The following CLNK variants were observed in gnomAD, a reference collection of about 807,000 sequenced individuals.
The protein encoded by CLNK is cytokine dependent hematopoietic cell linker.
A neutral mutation model predicts 68.6 loss-of-function variants in CLNK; 74 were observed. The ratio of observed to expected loss-of-function variants is 1.08; its 90% CI spans 0.89 to 1.31. The LOEUF (loss-of-function observed/expected upper bound fraction) is 1.31. CLNK is among the 50% of genes most tolerant of loss of function. CLNK has a pLI of 0.00. For synonymous variants in CLNK, 198 were observed against 172.2 expected (o/e 1.15, Z -1.17); for missense variants, 553 against 515.3 (o/e 1.07, Z -0.71).
intron 2 of CLNK, among the ~76,000 whole-genome samples, chr4:10,650,989 A>G (rs901768179): frequency 6.6e-6 from 1 of 152,194 alleles, no homozygotes; most frequent in Non-Finnish European, 1.5e-5. Flanking sequence ...GCAAATCAAA[A>G]CCATAATGTG....
chr4:10,685,872 T>G (rs1577221174), upstream of CLNK, among the ~76,000 whole-genome samples: 1 of 152,330 alleles, frequency 6.6e-6, no homozygotes, highest in East Asian at 1.9e-4. Flanking sequence ...ACCACTTTAT[T>G]AATTAGCTTT....
chr4:10,633,061 CTGAG>C (rs1250680693), intron 2 of CLNK, among the ~76,000 whole-genome samples: 3 of 152,192 alleles, frequency 2.0e-5, no homozygotes, highest in African/African-American at 4.8e-5. Flanking sequence ...TCTCAGCCTC[CTGAG>C]TATCTGGGAT....
In CLNK at chr4:10,633,763, A is replaced by G. The variant is rs560973554; in HGVS notation, c.11+34096T>C. ...ATCTGTCACTCATAATGGTAATAGA[A>G]TTGGCAATCATACTATTGCCATAAT... On this transcript the variant is annotated intron_variant, in intron 2 of 18. Transcript: ENST00000226951. 2.6e-5 allele frequency among the ~76,000 whole-genome samples: 4 copies of G among 152,344 alleles called. No individual in the cohort carries two copies. In the South Asian group the frequency reaches 8.3e-4, roughly 32 times the overall value.
At chr4:10,692,348 T>C in the CLNK span, among the ~76,000 whole-genome samples, 1 of 152,184 alleles carries the variant, frequency 6.6e-6, no homozygotes, top group South Asian at 2.1e-4. Context: ...GCCAGTATTT[T>C]AACAGAGATA....
chr4:10,596,784 T>C (rs1721403343), intron 3 of CLNK, among the ~76,000 whole-genome samples: 1 of 152,212 alleles, frequency 6.6e-6, no homozygotes, highest in African/African-American at 2.4e-5. Flanking sequence ...TGAAATAATT[T>C]GCTTCAGAAA....
At chr4:10,513,674 A>C in intron 15 of CLNK, 77 bp from the exon 16 acceptor site, 2 of 1,438,620 alleles carry the variant, frequency 1.4e-6, no homozygotes, top group Non-Finnish European at 9.3e-7. Flanking sequence ...AAAGGAGCTG[A>C]AACCCTTTGC....
intron 4 of CLNK, among the ~76,000 whole-genome samples, chr4:10,584,058 G>A (rs571472118): frequency 1.3e-5 from 2 of 152,334 alleles, no homozygotes; most frequent in South Asian, 4.1e-4. Context: ...TACCTTGAGA[G>A]AAGACAATCT....
At chr4:10,537,706 C>CCTTCCCTTCTTTCTTTCTTTCTTT (rs1553848181) in intron 11 of CLNK, among the ~76,000 whole-genome samples, 1 of 13,376 alleles carries the variant, frequency 7.5e-5, no homozygotes, top group Non-Finnish European at 1.5e-4. Flanking sequence ...TTCCTTCCTT[C>CCTTCCCTTCTTTCTTTCTTTCTTT]CTTTCTTTCT....
intron 2 of CLNK, among the ~76,000 whole-genome samples, chr4:10,642,893 A>G (rs1272034659): frequency 1.3e-5 from 2 of 152,224 alleles, no homozygotes; most frequent in African/African-American, 4.8e-5. Context: ...TAAATGCTTC[A>G]AAGCCATAAG....
At chr4:10,498,703 T>A (rs1258562354) in intron 18 of CLNK, among the ~76,000 whole-genome samples, 1 of 152,134 alleles carries the variant, frequency 6.6e-6, no homozygotes, top group Non-Finnish European at 1.5e-5. Context: ...GCTTGATAGG[T>A]CCCAGGCACT....
chr4:10,692,717 A>T, the CLNK span, among the ~76,000 whole-genome samples: 11 of 152,354 alleles, frequency 7.2e-5, no homozygotes, highest in Non-Finnish European at 1.3e-4. Flanking sequence ...TCTCAGCCAC[A>T]TAGTAGGTGC....
At chr4:10,604,082 T>G (rs1317464097) in intron 2 of CLNK, among the ~76,000 whole-genome samples, 1 of 152,294 alleles carries the variant, frequency 6.6e-6, no homozygotes, top group Non-Finnish European at 1.5e-5. Flanking sequence ...ATTCAATGAA[T>G]CTCATTCCCA....
At chr4:10,521,911 G>C (rs1445851399) in intron 14 of CLNK, among the ~76,000 whole-genome samples, 1 of 152,046 alleles carries the variant, frequency 6.6e-6, no homozygotes, top group African/African-American at 2.4e-5. Flanking sequence ...GGATATTCTA[G>C]AAGTACATAG....
intron 8 of CLNK, among the ~76,000 whole-genome samples, chr4:10,550,950 G>A (rs550423977): frequency 3.3e-5 from 5 of 152,266 alleles, no homozygotes; most frequent in African/African-American, 1.2e-4. Flanking sequence ...CGAATCTGGT[G>A]GGCGAGATGA....
chr4:10,623,003 C>A (rs1229585913), intron 2 of CLNK, among the ~76,000 whole-genome samples: 1 of 152,098 alleles, frequency 6.6e-6, no homozygotes, highest in Non-Finnish European at 1.5e-5. Flanking sequence ...TCCCAAAGTC[C>A]CCACCTCTAA....
intron 12 of CLNK, among the ~76,000 whole-genome samples, chr4:10,528,517 A>G (rs751549946): frequency 5.9e-5 from 9 of 152,210 alleles, no homozygotes; most frequent in African/African-American, 9.6e-5. Flanking sequence ...AAATCACTGG[A>G]AACAATCTAT....
intron 2 of CLNK, among the ~76,000 whole-genome samples, chr4:10,610,181 C>G (rs1283576106): frequency 6.7e-6 from 1 of 149,640 alleles, no homozygotes; most frequent in Non-Finnish European, 1.5e-5. Context: ...CTCAGCCTCC[C>G]GAGTAGCTGG....
chr4:10,490,528 T>C lies in CLNK; in HGVS notation c.1226A>G (p.His409Arg), dbSNP rs1421192103. The C allele has an allele frequency of 6.2e-7, 1 of 1,611,304 alleles. No homozygotes were observed. The highest frequency in any genetic ancestry group is 8.5e-7 in the Non-Finnish European group (1 of 1,178,736). ...LIDGKDKTGV[H>R]RKQCHLTQPL... ...CTGAGTGAGGTGACACTGTTTCCTG[T>C]GGACCCCAGTTTTATCTTTCCCATC... The change falls in exon 19 of 19, where the codon CAC (histidine) becomes CGC (arginine). Residue 409 changes from histidine to arginine, a missense_variant. By Grantham distance (29) the His-to-Arg change is conservative (BLOSUM62 0). Coordinates refer to ENST00000226951, the MANE Select transcript of CLNK (RefSeq NM_052964.4).
chr4:10,698,036 G>T, the CLNK span, among the ~76,000 whole-genome samples: 1 of 152,186 alleles, frequency 6.6e-6, no homozygotes, highest in Non-Finnish European at 1.5e-5. Context: ...ACATAAGTAG[G>T]TATGTGGGGG....
Sources: gnomAD v4.1 joint callset for allele counts (sites outside exome capture counted in the v4.1 genomes callset) on GRCh38, gnomAD v4.1.1 for gene constraint, MANE v1.5 for transcripts, NCBI Gene and HGNC (gene_info 2026-07-23, HGNC 2026-07-21) for gene names.